Variants in TNNI3K observed in about 807,000 individuals in gnomAD.
TNNI3K encodes the protein serine/threonine-protein kinase TNNI3K.
Under a neutral mutation model 114.5 loss-of-function variants are expected in TNNI3K, and 140 were observed. That is an observed-to-expected ratio of 1.22 (90% confidence interval 1.07 to 1.41). The LOEUF is 1.41. TNNI3K is among the 40% of genes most tolerant of loss of function. The pLI, the probability that TNNI3K is intolerant of heterozygous loss-of-function variation, is 0.00. For synonymous variants in TNNI3K, 347 were observed against 347.5 expected (o/e 1.00, Z 0.02); for missense variants, 1,125 against 1,007.6 (o/e 1.12, Z -1.58).
chr1:74,442,475 G>A (rs1460620098), intron 20 of TNNI3K, among the ~76,000 whole-genome samples: 2 of 151,882 alleles, frequency 1.3e-5, no homozygotes, highest in African/African-American at 4.8e-5. Context: ...TTTAGAATCA[G>A]CTTGTCTATA....
chr1:74,527,562 G>A (rs1646519600), intron 23 of TNNI3K, among the ~76,000 whole-genome samples: 1 of 152,160 alleles, frequency 6.6e-6, no homozygotes, highest in Non-Finnish European at 1.5e-5. Context: ...TGGTGGATAG[G>A]GAGGGGAGAC....
intron 4 of TNNI3K, among the ~76,000 whole-genome samples, chr1:74,260,277 C>G (rs1270600172): frequency 6.6e-6 from 1 of 152,028 alleles, no homozygotes; most frequent in Admixed American, 6.6e-5. Flanking sequence ...TTCTTTGATT[C>G]CTCAGTATAT....
Position 74,369,513 on chromosome 1 carries a change from C to A in TNNI3K, c.1595C>A (p.Pro532His), listed in dbSNP as rs1261212852. Residue 532 changes from proline (P) to histidine (H), a missense_variant, in exon 16 of 25, where the codon CCC (proline) becomes CAC (histidine). Transcript: ENST00000326637. ...IQFVGACLND[P>H]SQFAIVTQYI... is the part of the protein sequence containing the mutation. ...TTTGTGGGTGCTTGCTTGAATGATC[C>A]CAGCCAGTTTGCCATTGTCACTCAA... The A allele has an allele frequency of 3.1e-6, 5 of 1,612,606 alleles. No homozygotes were observed. The highest frequency in any genetic ancestry group is 1.7e-5 in the Admixed American group (1 of 59,876).
chr1:74,443,838 T>G (rs1256615336), intron 20 of TNNI3K, among the ~76,000 whole-genome samples: 3 of 152,204 alleles, frequency 2.0e-5, no homozygotes, highest in Non-Finnish European at 4.4e-5. Flanking sequence ...ATCCCCACGA[T>G]GTAAGGCTGG....
intron 5 of TNNI3K, among the ~76,000 whole-genome samples, chr1:74,309,909 T>A (rs1235294731): frequency 6.6e-6 from 1 of 152,148 alleles, no homozygotes; most frequent in Non-Finnish European, 1.5e-5. Context: ...AAAACAAGAA[T>A]GTCTATTCTC....
At chr1:74,407,398 A>G (rs575710013) in intron 17 of TNNI3K, among the ~76,000 whole-genome samples, 3 of 152,340 alleles carry the variant, frequency 2.0e-5, no homozygotes, top group African/African-American at 7.2e-5. Context: ...CTAAGTGTAA[A>G]GGAAATAGTA....
intron 17 of TNNI3K, among the ~76,000 whole-genome samples, chr1:74,421,296 T>C (rs1163785203): frequency 6.6e-6 from 1 of 152,156 alleles, no homozygotes; most frequent in Non-Finnish European, 1.5e-5. Context: ...GGATGATTCA[T>C]GTTTTAAAGG....
intron 23 of TNNI3K, among the ~76,000 whole-genome samples, chr1:74,526,063 A>AG (rs1330177180): frequency 6.6e-6 from 1 of 152,248 alleles, no homozygotes; most frequent in East Asian, 1.9e-4. Context: ...AACAAAAAAA[A>AG]CAGTGCTTGT....
chr1:74,300,041 C>T lies in TNNI3K; in HGVS notation c.444+28333C>T, dbSNP rs769087548. 1.4e-4 allele frequency among the ~76,000 whole-genome samples: 22 copies of T among 152,200 alleles called. No homozygotes were observed. The South Asian group carries it at 1.5e-3, about 10-fold the overall frequency. On this transcript the variant is annotated intron_variant, in intron 5 of 24. Transcript: ENST00000326637. ...TATAACTTAGAATCCTATATATTTG[C>T]GTCTACCTTGAATTCACTCTTTTGG...
chr1:74,258,233 A>G (rs1570382796), intron 4 of TNNI3K, among the ~76,000 whole-genome samples: 1 of 152,246 alleles, frequency 6.6e-6, no homozygotes, highest in East Asian at 1.9e-4. Context: ...GCTCAACAAT[A>G]CATAATGGAT....
At chr1:74,335,098 A>G (rs1275832396) in intron 6 of TNNI3K, among the ~76,000 whole-genome samples, 2 of 152,242 alleles carry the variant, frequency 1.3e-5, no homozygotes, top group Non-Finnish European at 2.9e-5. Flanking sequence ...AATAACATTT[A>G]CAGAACAAAT....
chr1:74,427,651 G>T (rs964451957), intron 17 of TNNI3K, among the ~76,000 whole-genome samples: 1 of 151,936 alleles, frequency 6.6e-6, no homozygotes, highest in Non-Finnish European at 1.5e-5. Flanking sequence ...ATACATAGCT[G>T]TCATCTCCTG....
At chr1:74,350,244 A>G (rs1661263489) in intron 9 of TNNI3K, among the ~76,000 whole-genome samples, 1 of 152,188 alleles carries the variant, frequency 6.6e-6, no homozygotes. Context: ...GTAGTCATTC[A>G]GGAGCAGGTT....
intron 2 of TNNI3K, among the ~76,000 whole-genome samples, chr1:74,238,620 G>C (rs1442358637): frequency 6.6e-6 from 1 of 152,036 alleles, no homozygotes; most frequent in Non-Finnish European, 1.5e-5. Context: ...CTGAAATATA[G>C]CTTTTAATGA....
intron 17 of TNNI3K, among the ~76,000 whole-genome samples, chr1:74,401,682 T>G (rs761532473): frequency 6.6e-6 from 1 of 152,208 alleles, no homozygotes; most frequent in Non-Finnish European, 1.5e-5. Context: ...TTAAGAGAGA[T>G]AATAACAGCT....
chr1:74,390,795 A>G (rs1341787354), intron 17 of TNNI3K, among the ~76,000 whole-genome samples: 1 of 152,084 alleles, frequency 6.6e-6, no homozygotes, highest in African/African-American at 2.4e-5. Context: ...ACTAATTTTG[A>G]TTGTTGGTTA....
chr1:74,236,129 C>T lies in TNNI3K; in HGVS notation c.68C>T (p.Ser23Leu). 6.2e-7 allele frequency: 1 copy of T among 1,607,044 alleles called. No homozygotes were observed. The highest frequency in any genetic ancestry group is 1.1e-5 in the South Asian group (1 of 90,526). Residue 23 changes from serine to leucine, a missense_variant, in exon 2 of 25, where the codon TCA becomes TTA. Physicochemically the swap from Ser to Leu is moderately radical, Grantham distance 145. Transcript: ENST00000326637. The part of the protein sequence containing the change: ...TDEWKKKVSE[S>L]YVITIERLED... ...GAATGGAAGAAAAAAGTCAGTGAATCATATGTTATCACAATAGAAAGATTA... is the reference window on the plus strand; with the variant it reads ...GAATGGAAGAAAAAAGTCAGTGAATTATATGTTATCACAATAGAAAGATTA...
intron 23 of TNNI3K, among the ~76,000 whole-genome samples, chr1:74,499,287 A>G (rs1244905022): frequency 1.1e-4 from 16 of 152,200 alleles, no homozygotes; most frequent in Non-Finnish European, 2.9e-5. Context: ...GACTACAGGC[A>G]TGCGCCACCA....
At chr1:74,322,075 T>G (rs1205573452) in intron 5 of TNNI3K, among the ~76,000 whole-genome samples, 1 of 152,190 alleles carries the variant, frequency 6.6e-6, no homozygotes, top group Non-Finnish European at 1.5e-5. Flanking sequence ...CTAAAATGCT[T>G]TCTAAGCAAT....
Sources: gnomAD v4.1 joint callset for allele counts (sites outside exome capture counted in the v4.1 genomes callset) on GRCh38, gnomAD v4.1.1 for gene constraint, MANE v1.5 for transcripts, NCBI Gene and HGNC (gene_info 2026-07-23, HGNC 2026-07-21) for gene names.